MTUS2: variants seen among roughly 807,000 people sequenced by gnomAD.
MTUS2 encodes microtubule-associated tumor suppressor candidate 2.
In MTUS2, 40 loss-of-function variants were observed where a neutral mutation model predicts 114.1. That is an observed-to-expected ratio of 0.35 (90% CI 0.27 to 0.46). The LOEUF is 0.46. Among genes scored for constraint, MTUS2 ranks in the 20% least tolerant of loss-of-function variants. The pLI is 1.00. For missense variants in MTUS2, 1,679 were observed against 1,705.4 expected (o/e 0.98, Z 0.27); for synonymous variants, 688 against 672.0 (o/e 1.02, Z -0.37).
chr13:29,423,590 G>A (rs1023652496), intron 8 of MTUS2, among the ~76,000 whole-genome samples: 7 of 152,204 alleles, frequency 4.6e-5, no homozygotes, highest in African/African-American at 1.7e-4. Flanking sequence ...TATTGTGTAT[G>A]TCAAAATAAA....
chr13:28,856,029 A>C (rs529606363), intron 2 of MTUS2, among the ~76,000 whole-genome samples: 4 of 152,208 alleles, frequency 2.6e-5, no homozygotes, highest in African/African-American at 9.6e-5. Context: ...TTGTCACTGG[A>C]AGGTTTTATA....
intron 5 of MTUS2, among the ~76,000 whole-genome samples, chr13:29,106,526 T>C (rs1175124542): frequency 6.6e-6 from 1 of 151,978 alleles, no homozygotes; most frequent in South Asian, 2.1e-4. Flanking sequence ...ACCTAGCTAG[T>C]TTTTGTATTT....
Position 29,504,701 on chromosome 13 carries a change from A to T in MTUS2, c.*1495A>T, listed in dbSNP as rs139698201. Reference sequence around the variant, plus strand: ...CACAAAAGGAAGAAGTAGTTTTAACAGATATGGTGATGATGATGATGCCCT... The same window carrying T: ...CACAAAAGGAAGAAGTAGTTTTAACTGATATGGTGATGATGATGATGCCCT... On this transcript the variant is annotated 3_prime_UTR_variant, in exon 16 of 16. Transcript: ENST00000612955. The T allele has an allele frequency of 2.4e-3, 558 of 233,322 alleles. 2 individuals carry two copies. The highest frequency in any genetic ancestry group is 0.012 in the African/African-American group (532 of 45,468). 14.5% of individuals were successfully genotyped at this position (233,322 alleles called of 1,614,324 possible).
chr13:28,941,935 T>A (rs1882262871), intron 2 of MTUS2, among the ~76,000 whole-genome samples: 1 of 152,210 alleles, frequency 6.6e-6, no homozygotes, highest in Non-Finnish European at 1.5e-5. Flanking sequence ...CTTTCGTCTT[T>A]CAAATGTTGA....
chr13:29,268,282 T>C (rs1897743520), intron 5 of MTUS2, among the ~76,000 whole-genome samples: 1 of 152,180 alleles, frequency 6.6e-6, no homozygotes, highest in South Asian at 2.1e-4. Flanking sequence ...TTTTTTGAGA[T>C]GGACAGCGGA....
chr13:29,273,412 A>C (rs1458407876), intron 5 of MTUS2, among the ~76,000 whole-genome samples: 2 of 152,220 alleles, frequency 1.3e-5, no homozygotes, highest in Non-Finnish European at 2.9e-5. Flanking sequence ...GATAGGGGAC[A>C]GAGAATAGGA....
intron 7 of MTUS2, among the ~76,000 whole-genome samples, chr13:29,353,883 C>T (rs1464178742): frequency 6.6e-6 from 1 of 152,174 alleles, no homozygotes; most frequent in Non-Finnish European, 1.5e-5. Context: ...CTGTCCCCAT[C>T]CTGAGATCCT....
At chr13:29,017,928 A>G (rs191932053) in intron 2 of MTUS2, among the ~76,000 whole-genome samples, 8 of 152,336 alleles carry the variant, frequency 5.3e-5, no homozygotes, top group Non-Finnish European at 1.0e-4. Context: ...TAACTGTAAT[A>G]AAAAGACACA....
intron 5 of MTUS2, among the ~76,000 whole-genome samples, chr13:29,270,361 C>G (rs564622204): frequency 6.6e-6 from 1 of 152,100 alleles, no homozygotes; most frequent in Non-Finnish European, 1.5e-5. Flanking sequence ...GTCTCAGACG[C>G]GGTGGACAGC....
chr13:28,861,365 G>A (rs544129480), intron 2 of MTUS2, among the ~76,000 whole-genome samples: 4 of 151,928 alleles, frequency 2.6e-5, no homozygotes, highest in African/African-American at 7.3e-5. Context: ...GGCCCGACAG[G>A]CCTGGCATGG....
intron 5 of MTUS2, among the ~76,000 whole-genome samples, chr13:29,195,684 C>A (rs1475547531): frequency 6.6e-6 from 1 of 152,110 alleles, no homozygotes; most frequent in African/African-American, 2.4e-5. Flanking sequence ...GCGCCCCACC[C>A]AGCCTGGGCC....
chr13:29,307,826 G>T, intron 6 of MTUS2: 11 of 773,014 alleles, frequency 1.4e-5, no homozygotes, highest in Non-Finnish European at 2.5e-5. Flanking sequence ...ACAAGAGGAA[G>T]AGAGAGGCCT....
At chr13:28,959,988 AATTTGTCAT>A (rs1347709637) in intron 2 of MTUS2, among the ~76,000 whole-genome samples, 1 of 152,224 alleles carries the variant, frequency 6.6e-6, no homozygotes, top group East Asian at 1.9e-4. Flanking sequence ...AATAAAGAAG[AATTTGTCAT>A]ACCAAAAACC....
chr13:29,105,572 G>T (rs1488919173), intron 5 of MTUS2, among the ~76,000 whole-genome samples: 9 of 151,568 alleles, frequency 5.9e-5, no homozygotes, highest in African/African-American at 2.2e-4. Flanking sequence ...TTTTCTCCAT[G>T]GGATAACCTA....
chr13:29,301,628 C>A (rs1338444124), intron 6 of MTUS2, among the ~76,000 whole-genome samples: 7 of 152,064 alleles, frequency 4.6e-5, no homozygotes, highest in African/African-American at 7.2e-5. Context: ...GCTGTGTGAC[C>A]CTGATTCAAT....
chr13:28,907,525 A>C (rs990085569), intron 2 of MTUS2, among the ~76,000 whole-genome samples: 3 of 151,548 alleles, frequency 2.0e-5, no homozygotes, highest in African/African-American at 7.3e-5. Flanking sequence ...GTGCAGAGAC[A>C]CACATAGGCT....
At chr13:29,404,272 G>A (rs572992502) in intron 8 of MTUS2, among the ~76,000 whole-genome samples, 12 of 151,824 alleles carry the variant, frequency 7.9e-5, no homozygotes, top group African/African-American at 2.7e-4. Context: ...GATCACCTGA[G>A]CCTGGAGAGG....
At chr13:29,198,461 T>G (rs1269451353) in intron 5 of MTUS2, among the ~76,000 whole-genome samples, 1 of 152,226 alleles carries the variant, frequency 6.6e-6, no homozygotes, top group African/African-American at 2.4e-5. Context: ...CATGCTGTTT[T>G]GGTTACTGTA....
At position 29,452,568 on chromosome 13, in the gene MTUS2, ATATATATGTG is replaced by A. The variant is rs1427856468; in HGVS notation, c.3184+12521_3184+12530del. 1.8e-3 allele frequency among the ~76,000 whole-genome samples: 145 copies of A among 82,516 alleles called. 1 individual carries two copies. Among genetic ancestry groups the A allele is most frequent in the African/African-American group, 6.6e-3 (142 of 21,640 alleles). The allele number at this position is 82,516 out of a possible 152,430, so 54.1% of individuals were successfully genotyped here. The stretch of plus-strand genomic sequence containing the variant: ...ACTACACCCAACTGTGTATATATAT[ATATATATGTG>A]TGTGTGTGTGTGTGTGTGTGTGTGT... On this transcript the variant is annotated intron_variant, in intron 9 of 15. Transcript: ENST00000612955.
Sources: gnomAD v4.1 joint callset for allele counts (sites outside exome capture counted in the v4.1 genomes callset) on GRCh38, gnomAD v4.1.1 for gene constraint, MANE v1.5 for transcripts, NCBI Gene and HGNC (gene_info 2026-07-23, HGNC 2026-07-21) for gene names.